Variants in CDK19 observed in about 807,000 individuals in gnomAD.
The protein encoded by CDK19 is cyclin-dependent kinase 19.
A neutral mutation model predicts 68.3 loss-of-function variants in CDK19; 20 were observed. The observed-to-expected ratio is 0.29, with a 90% CI of 0.21 to 0.43. CDK19 has a LOEUF of 0.43. Ranked by LOEUF, CDK19 falls within the 20% of genes least tolerant of loss-of-function variation. The pLI is 1.00. For synonymous variants in CDK19, 221 were observed against 222.8 expected (o/e 0.99, Z 0.07); for missense variants, 339 against 623.5 (o/e 0.54, Z 4.86).
intron 1 of CDK19, among the ~76,000 whole-genome samples, chr6:110,792,934 A>C (rs1781700697): frequency 6.6e-6 from 1 of 152,216 alleles, no homozygotes; most frequent in Admixed American, 6.5e-5. Context: ...TCCTCGCAAC[A>C]ATCAGTGAGG....
At chr6:110,716,568 A>G (rs539944075) in intron 2 of CDK19, among the ~76,000 whole-genome samples, 20 of 152,342 alleles carry the variant, frequency 1.3e-4, no homozygotes, top group Admixed American at 1.2e-3. Context: ...AAAAGATTAT[A>G]GAAGTATTAA....
chr6:110,806,096 T>C (rs1042450292), intron 1 of CDK19, among the ~76,000 whole-genome samples: 2 of 152,138 alleles, frequency 1.3e-5, no homozygotes, highest in Non-Finnish European at 2.9e-5. Context: ...TCCCAGCACT[T>C]TGGGAGGCCG....
intron 12 of CDK19, among the ~76,000 whole-genome samples, chr6:110,618,042 TC>T (rs1562123209): frequency 6.6e-6 from 1 of 151,490 alleles, no homozygotes. Context: ...CCAAGAAATC[TC>T]CCCCTTTTTC....
intron 1 of CDK19, among the ~76,000 whole-genome samples, chr6:110,787,131 G>A (rs1348615679): frequency 2.6e-5 from 4 of 152,128 alleles, no homozygotes; most frequent in African/African-American, 4.8e-5. Context: ...CCAGCACTTT[G>A]GGAGGTCCAG....
intron 2 of CDK19, among the ~76,000 whole-genome samples, chr6:110,745,174 CCT>C (rs1777986497): frequency 6.6e-6 from 1 of 152,094 alleles, no homozygotes; most frequent in African/African-American, 2.4e-5. Flanking sequence ...ATTAGTTTTG[CCT>C]CTGTTTTCTG....
chr6:110,706,431 T>C (rs1223601371), intron 2 of CDK19: 1 of 138,858 alleles, frequency 7.2e-6, no homozygotes, highest in African/African-American at 2.6e-5. Context: ...TTTTTTTTTT[T>C]TGAGACAGAG....
At chr6:110,723,998 A>C (rs1485530055) in intron 2 of CDK19, among the ~76,000 whole-genome samples, 1 of 143,350 alleles carries the variant, frequency 7.0e-6, no homozygotes, top group Non-Finnish European at 1.5e-5. Context: ...AAGACTGGAA[A>C]ACATACCAAC....
chr6:110,705,144 AATTCTCCTGCCTC>A (rs1774345191), intron 2 of CDK19, among the ~76,000 whole-genome samples: 1 of 151,530 alleles, frequency 6.6e-6, no homozygotes, highest in South Asian at 2.1e-4. Context: ...AGGTTCAAGC[AATTCTCCTGCCTC>A]AGCCTCCCGA....
In CDK19 at chr6:110,626,896, TCTC is replaced by T. The variant is rs758799671; in HGVS notation, c.791-54_791-52del. 9.4e-6 allele frequency: 13 copies of T among 1,381,182 alleles called. 1 individual carries two copies. The South Asian group carries it at 1.3e-4, about 14-fold the overall frequency. The allele number at this position is 1,381,182 out of a possible 1,614,324, so 85.6% of individuals were successfully genotyped here. A position where few individuals can be genotyped will look rare whatever the true frequency, so the allele number is the denominator to read the frequency against. On this transcript the variant is annotated intron_variant, in intron 7 of 12. Transcript: ENST00000368911. Reference sequence around the variant, plus strand: ...TAGAAAATAATGTGTTAATTTAAAATCTCCTAATTATGTTAGTTTATAAATATA... The same window carrying T: ...TAGAAAATAATGTGTTAATTTAAAATCTAATTATGTTAGTTTATAAATATA...
chr6:110,671,510 A>G (rs1771010844), intron 2 of CDK19, among the ~76,000 whole-genome samples: 1 of 152,222 alleles, frequency 6.6e-6, no homozygotes, highest in Admixed American at 6.5e-5. Flanking sequence ...TTATATACAA[A>G]TGTTTTTCTC....
intron 2 of CDK19, among the ~76,000 whole-genome samples, chr6:110,718,909 T>C (rs1775612751): frequency 6.6e-6 from 1 of 151,976 alleles, no homozygotes; most frequent in South Asian, 2.1e-4. Context: ...GAAAACAAGG[T>C]AGAGCTAAAA....
At chr6:110,685,305 TTC>T (rs1180966646) in intron 2 of CDK19, among the ~76,000 whole-genome samples, 1 of 152,170 alleles carries the variant, frequency 6.6e-6, no homozygotes, top group Non-Finnish European at 1.5e-5. Context: ...AGAAACATAT[TTC>T]CTATCTTCTT....
rs769553849 is a variant in CDK19 at position 110,815,241 on chromosome 6, T to TCG, written c.-107_-106dup. ...GCTCCACTTCTCCAACAGCCGCCTC[T>TCG]CGCGCGCGCGCGCGCGCCGCCCGCC... On this transcript the variant is annotated 5_prime_UTR_variant, in exon 1 of 13. Coordinates refer to ENST00000368911, the MANE Select transcript of CDK19 (RefSeq NM_015076.5). The TCG allele has an allele frequency of 3.3e-3, 3,693 of 1,130,196 alleles. 18 individuals are homozygous for TCG. Among genetic ancestry groups the TCG allele is most frequent in the East Asian group, 0.017 (418 of 24,532 alleles). 70.0% of individuals were successfully genotyped at this position (1,130,196 alleles called of 1,614,324 possible).
At position 110,642,308 on chromosome 6, in the gene CDK19, C is replaced by CA. The variant is rs56320713; in HGVS notation, c.457-3603dup. Among the ~76,000 whole-genome samples the CA allele has an allele frequency of 0.028, 2,708 of 95,894 alleles. 188 individuals carry two copies. The East Asian group carries it at 0.33, about 12-fold the overall frequency. The allele number at this position is 95,894 out of a possible 152,430, so 62.9% of individuals were successfully genotyped here. On this transcript the variant is annotated intron_variant, in intron 4 of 12. Transcript: ENST00000368911. ...TAGGCGACAGAGTGAGACTCTGTTT[C>CA]AAAAAAAAAAAAAAAAAAAAAGGGT...
Position 110,743,083 on chromosome 6 carries a change from C to T in CDK19, c.204+3043G>A, listed in dbSNP as rs538973170. Among the ~76,000 whole-genome samples the T allele has an allele frequency of 2.6e-5, 4 of 152,152 alleles. 1 individual carries two copies. The South Asian group carries it at 6.2e-4, about 24-fold the overall frequency. The stretch of plus-strand genomic sequence containing the variant: ...TACTCTTTCTCTTTATTTCTCAGAC[C>T]GGCTGACACTTACGGAAAATAGAAA... On this transcript the variant is annotated intron_variant, in intron 2 of 12. Coordinates refer to ENST00000368911, the MANE Select transcript of CDK19 (RefSeq NM_015076.5).
At chr6:110,697,748 T>C (rs1446133914) in intron 2 of CDK19, among the ~76,000 whole-genome samples, 1 of 152,198 alleles carries the variant, frequency 6.6e-6, no homozygotes, top group East Asian at 1.9e-4. Flanking sequence ...GGCATCACAT[T>C]ACCCAATTTC....
At chr6:110,616,734 A>T (rs1778338432) in intron 12 of CDK19, among the ~76,000 whole-genome samples, 1 of 152,032 alleles carries the variant, frequency 6.6e-6, no homozygotes, top group Non-Finnish European at 1.5e-5. Context: ...GAATAGTCAC[A>T]TTGGTTACAG....
At chr6:110,814,869 C>T in intron 1 of CDK19, 140 bp downstream of exon 1, 1 of 1,118,580 alleles carries the variant, frequency 8.9e-7, no homozygotes, top group Non-Finnish European at 1.3e-6. Flanking sequence ...CCCTCGGAGT[C>T]GGTGTCCGGA....
At chr6:110,722,020 T>A (rs996335739) in intron 2 of CDK19, among the ~76,000 whole-genome samples, 3 of 152,194 alleles carry the variant, frequency 2.0e-5, no homozygotes, top group Non-Finnish European at 4.4e-5. Context: ...TTTCTTTTCT[T>A]CTTATAATTT....
Sources: allele counts gnomAD v4.1 joint callset (sites outside exome capture counted in the v4.1 genomes callset), GRCh38; gene constraint gnomAD v4.1.1; transcripts MANE v1.5; gene names NCBI Gene and HGNC (gene_info 2026-07-23, HGNC 2026-07-21).